GALNTL6: variants seen among roughly 807,000 people sequenced by gnomAD.
The protein encoded by GALNTL6 is polypeptide N-acetylgalactosaminyltransferase-like 6.
In GALNTL6, 46 loss-of-function variants were observed where a neutral mutation model predicts 73.7. The ratio of observed to expected loss-of-function variants is 0.62; its 90% CI spans 0.49 to 0.80. The LOEUF is 0.80. Among genes scored for constraint, GALNTL6 ranks in the 30% least tolerant of loss-of-function variants. The pLI is 0.00. For synonymous variants in GALNTL6, 259 were observed against 263.7 expected, an observed-to-expected ratio of 0.98 and a Z score of 0.17; for missense variants, 604 against 755.0, an observed-to-expected ratio of 0.80 and a Z score of 2.34.
At chr4:172,366,067 A>G (rs1742548080) in intron 5 of GALNTL6, among the ~76,000 whole-genome samples, 1 of 152,170 alleles carries the variant, frequency 6.6e-6, no homozygotes, top group South Asian at 2.1e-4. Context: ...AGACTTTGTA[A>G]TGTTCTTTTT....
chr4:173,004,964 A>C (rs892383921), intron 10 of GALNTL6, among the ~76,000 whole-genome samples: 2 of 152,210 alleles, frequency 1.3e-5, no homozygotes, highest in Non-Finnish European at 2.9e-5. Context: ...ATGCTGGCTC[A>C]TTTGTTAAGC....
At position 172,294,630 on chromosome 4, in the gene GALNTL6, C is replaced by CA. The variant is rs547792078; in HGVS notation, c.248-16974dup. On this transcript the variant is annotated intron_variant, in intron 3 of 12. Transcript: ENST00000506823. ...CATAAATTACAGATATTTTAACAGA[C>CA]AAAAAAAAAACACTTTATCATTAGT... Among the ~76,000 whole-genome samples, 821 of 151,620 alleles carry CA rather than the reference C, an allele frequency of 5.4e-3. 7 individuals are homozygous for CA. Among genetic ancestry groups the CA allele is most frequent in the African/African-American group, 0.018 (764 of 41,352 alleles).
chr4:172,958,048 G>C (rs946201474), intron 10 of GALNTL6, among the ~76,000 whole-genome samples: 1 of 152,152 alleles, frequency 6.6e-6, no homozygotes, highest in African/African-American at 2.4e-5. Flanking sequence ...ATTGAAGTCC[G>C]GGCCAGAAAC....
intron 2 of GALNTL6, among the ~76,000 whole-genome samples, chr4:172,010,511 C>T (rs72982579): frequency 0.022 from 3,414 of 152,044 alleles, 117 homozygotes; most frequent in African/African-American, 0.071. Context: ...ATTTTTTTCA[C>T]TTGTCCAAAT....
At chr4:172,996,571 G>A (rs1751797528) in intron 10 of GALNTL6, among the ~76,000 whole-genome samples, 1 of 152,072 alleles carries the variant, frequency 6.6e-6, no homozygotes, top group South Asian at 2.1e-4. Flanking sequence ...CTTAAAAGAA[G>A]AATTAATAGT....
chr4:172,379,643 C>A (rs1161017540), intron 5 of GALNTL6, among the ~76,000 whole-genome samples: 2 of 148,824 alleles, frequency 1.3e-5, no homozygotes, highest in Non-Finnish European at 3.0e-5. Context: ...AAAACTACCT[C>A]CCCCCTGAAA....
chr4:173,037,189 A>G (rs1561100648), intron 12 of GALNTL6, among the ~76,000 whole-genome samples: 1 of 152,172 alleles, frequency 6.6e-6, no homozygotes, highest in East Asian at 1.9e-4. Context: ...ACCAGGGAAC[A>G]ATTAGTCTGT....
At chr4:171,879,980 A>G (rs930200110) in intron 2 of GALNTL6, among the ~76,000 whole-genome samples, 1 of 152,176 alleles carries the variant, frequency 6.6e-6, no homozygotes, top group African/African-American at 2.4e-5. Flanking sequence ...TTAATAAACA[A>G]CCATTATTGA....
At chr4:172,401,409 TC>T (rs1198808567) in intron 5 of GALNTL6, among the ~76,000 whole-genome samples, 1 of 152,152 alleles carries the variant, frequency 6.6e-6, no homozygotes, top group Non-Finnish European at 1.5e-5. Context: ...CTACACGACA[TC>T]TAAAATCTAG....
At chr4:172,685,872 G>C (rs1036222632) in intron 5 of GALNTL6, among the ~76,000 whole-genome samples, 1 of 152,132 alleles carries the variant, frequency 6.6e-6, no homozygotes, top group Non-Finnish European at 1.5e-5. Flanking sequence ...CAGTCAGTGA[G>C]AGGTGCAGGC....
intron 2 of GALNTL6, among the ~76,000 whole-genome samples, chr4:171,936,074 G>T (rs1484159700): frequency 1.3e-5 from 2 of 152,118 alleles, no homozygotes; most frequent in Admixed American, 6.6e-5. Context: ...ATTATTTATG[G>T]TCTCCAGGTT....
At chr4:172,262,780 A>T (rs909159045) in intron 3 of GALNTL6, among the ~76,000 whole-genome samples, 1 of 151,520 alleles carries the variant, frequency 6.6e-6, no homozygotes, top group Non-Finnish European at 1.5e-5. Flanking sequence ...CAGGATTTAG[A>T]GCTCCTTTTA....
intron 2 of GALNTL6, among the ~76,000 whole-genome samples, chr4:171,869,636 A>C (rs1736079800): frequency 6.6e-6 from 1 of 152,140 alleles, no homozygotes; most frequent in African/African-American, 2.4e-5. Context: ...CTCAAGTTTC[A>C]TTTATATTTC....
At chr4:172,102,809 T>C (rs1182450394) in intron 2 of GALNTL6, among the ~76,000 whole-genome samples, 2 of 152,196 alleles carry the variant, frequency 1.3e-5, no homozygotes, top group Non-Finnish European at 1.5e-5. Context: ...GAGGGTCAGA[T>C]AGATCAGGGG....
intron 5 of GALNTL6, among the ~76,000 whole-genome samples, chr4:172,580,283 A>G (rs974842515): frequency 7.2e-5 from 11 of 152,218 alleles, no homozygotes; most frequent in Admixed American, 1.3e-4. Flanking sequence ...AAGCAAATAT[A>G]TAATATGTTT....
chr4:172,710,108 T>C (rs895523459), intron 5 of GALNTL6, among the ~76,000 whole-genome samples: 3 of 152,156 alleles, frequency 2.0e-5, no homozygotes, highest in African/African-American at 7.2e-5. Context: ...TTAAAACTCA[T>C]ACATTTGGTG....
intron 5 of GALNTL6, among the ~76,000 whole-genome samples, chr4:172,491,101 A>G (rs888681178): frequency 2.6e-5 from 4 of 152,152 alleles, no homozygotes; most frequent in Non-Finnish European, 5.9e-5. Context: ...ATGTGAGAAA[A>G]CAGTAGTAAC....
At chr4:172,433,024 TA>T (rs1230186112) in intron 5 of GALNTL6, among the ~76,000 whole-genome samples, 2 of 152,148 alleles carry the variant, frequency 1.3e-5, no homozygotes, top group African/African-American at 4.8e-5. Context: ...ATAAGAAAAA[TA>T]ATTACAAAAG....
chr4:172,823,112 G>A (rs1264479600), intron 7 of GALNTL6, among the ~76,000 whole-genome samples: 1 of 152,090 alleles, frequency 6.6e-6, no homozygotes, highest in Non-Finnish European at 1.5e-5. Flanking sequence ...CTGAAGTTCA[G>A]CAATATTGAC....
Sources: allele counts gnomAD v4.1 joint callset (sites outside exome capture counted in the v4.1 genomes callset), GRCh38; gene constraint gnomAD v4.1.1; transcripts MANE v1.5; gene names NCBI Gene and HGNC (gene_info 2026-07-23, HGNC 2026-07-21).